Variants in TBC1D5 observed in about 807,000 individuals in gnomAD.
TBC1D5 encodes TBC1 domain family member 5, also known as TBC1 domain family, member 5.
TBC1D5 carries 75 observed loss-of-function variants against 100.3 expected under a neutral mutation model. That is an observed-to-expected ratio of 0.75 (90% CI 0.62 to 0.91). TBC1D5 has a LOEUF of 0.91. Ranked by LOEUF, TBC1D5 falls within the 40% of genes least tolerant of loss-of-function variation. TBC1D5 has a pLI of 0.00. For synonymous variants in TBC1D5, 323 were observed against 325.6 expected, an observed-to-expected ratio of 0.99 and a Z score of 0.09; for missense variants, 910 against 942.4, an observed-to-expected ratio of 0.97 and a Z score of 0.45.
chr3:17,252,883 T>A (rs193014664), intron 16 of TBC1D5, among the ~76,000 whole-genome samples: 37 of 152,350 alleles, frequency 2.4e-4, no homozygotes, highest in African/African-American at 8.9e-4. Context: ...GTGAAATGAA[T>A]GAATACTTGT....
At chr3:17,289,264 C>T (rs2081474751) in intron 15 of TBC1D5, among the ~76,000 whole-genome samples, 1 of 152,164 alleles carries the variant, frequency 6.6e-6, no homozygotes, top group African/African-American at 2.4e-5. Flanking sequence ...GCCACAGGAT[C>T]CGGGCTGGTG....
chr3:17,704,373 T>C (rs2073670438), intron 1 of TBC1D5, among the ~76,000 whole-genome samples: 1 of 151,988 alleles, frequency 6.6e-6, no homozygotes. Flanking sequence ...TCCCCACCCT[T>C]CCCGCCTTTC....
intron 18 of TBC1D5, among the ~76,000 whole-genome samples, chr3:17,195,462 C>G (rs2070533817): frequency 6.6e-6 from 1 of 152,358 alleles, no homozygotes; most frequent in South Asian, 2.1e-4. Context: ...CTCTCCCTTG[C>G]TGTTCCTGGC....
At chr3:17,174,396 C>T (rs865942062) in intron 19 of TBC1D5, among the ~76,000 whole-genome samples, 6 of 152,182 alleles carry the variant, frequency 3.9e-5, no homozygotes, top group Middle Eastern at 3.2e-3. Context: ...TTTCTGAAAT[C>T]ACTAGTACTC....
intron 2 of TBC1D5, among the ~76,000 whole-genome samples, chr3:17,603,720 C>T (rs1265051739): frequency 6.6e-6 from 1 of 152,044 alleles, no homozygotes; most frequent in African/African-American, 2.4e-5. Context: ...GGCTGGAGTG[C>T]AGTGGCGCAA....
intron 13 of TBC1D5, among the ~76,000 whole-genome samples, chr3:17,336,202 T>C (rs968587074): frequency 3.9e-5 from 6 of 152,094 alleles, no homozygotes; most frequent in Middle Eastern, 3.2e-3. Context: ...GATGCAAGCC[T>C]ACAGCATGTG....
chr3:17,659,946 A>C lies in TBC1D5; in HGVS notation c.-100-36033T>G, dbSNP rs192975512. On this transcript the variant is annotated intron_variant, in intron 1 of 21. Transcript: ENST00000253692. ...ACACATGGCAAGACAAACCACTGAG[A>C]ATTTGGGCCCACAGAATTATACTGC... Among the ~76,000 whole-genome samples, 159 of 152,280 alleles carry C rather than the reference A, an allele frequency of 1.0e-3. 2 individuals carry two copies. In the South Asian group the frequency reaches 0.019, roughly 18 times the overall value.
At chr3:17,557,150 T>C (rs1387226590) in intron 2 of TBC1D5, among the ~76,000 whole-genome samples, 1 of 152,238 alleles carries the variant, frequency 6.6e-6, no homozygotes, top group Non-Finnish European at 1.5e-5. Flanking sequence ...TGACTATTTG[T>C]TGGTAAATAG....
At chr3:17,495,078 C>T (rs902757859) in intron 3 of TBC1D5, among the ~76,000 whole-genome samples, 1 of 152,220 alleles carries the variant, frequency 6.6e-6, no homozygotes, top group African/African-American at 2.4e-5. Flanking sequence ...CCTCACTCTC[C>T]GTGGGTCATG....
At chr3:17,708,106 T>C (rs533350330) in intron 1 of TBC1D5, among the ~76,000 whole-genome samples, 1 of 152,328 alleles carries the variant, frequency 6.6e-6, no homozygotes, top group African/African-American at 2.4e-5. Flanking sequence ...ACCTCCTTAC[T>C]AGCAACCACT....
intron 2 of TBC1D5, among the ~76,000 whole-genome samples, chr3:17,554,131 C>T (rs891220374): frequency 1.3e-5 from 2 of 152,146 alleles, no homozygotes; most frequent in Non-Finnish European, 2.9e-5. Flanking sequence ...AGCACCATAA[C>T]ATATTTGGTG....
intron 16 of TBC1D5, among the ~76,000 whole-genome samples, chr3:17,248,584 T>C (rs933326373): frequency 6.6e-6 from 1 of 152,196 alleles, no homozygotes; most frequent in African/African-American, 2.4e-5. Flanking sequence ...GCAGAACAGA[T>C]ATTGTATTAG....
intron 21 of TBC1D5, among the ~76,000 whole-genome samples, chr3:17,162,146 G>GT: frequency 6.6e-6 from 1 of 152,336 alleles, no homozygotes; most frequent in South Asian, 2.1e-4. Context: ...CAGTGGTGCT[G>GT]TAAGGTGATG....
At chr3:17,358,694 T>C (rs1372336262) in intron 13 of TBC1D5, among the ~76,000 whole-genome samples, 1 of 152,196 alleles carries the variant, frequency 6.6e-6, no homozygotes, top group Non-Finnish European at 1.5e-5. Context: ...GATTACAAAT[T>C]CTAAATTAAA....
chr3:17,160,892 T>G, exon 22 of TBC1D5: 2 of 1,528,572 alleles, frequency 1.3e-6, no homozygotes, highest in Non-Finnish European at 1.8e-6. Context: ...CTCCACTGGA[T>G]GAGCCTCAGT....
At chr3:17,463,522 C>T (rs940258832) in intron 3 of TBC1D5, among the ~76,000 whole-genome samples, 3 of 152,114 alleles carry the variant, frequency 2.0e-5, no homozygotes, top group Non-Finnish European at 4.4e-5. Context: ...AAATCTGGTG[C>T]TTAACCTTGG....
chr3:17,652,190 A>T (rs2065643800), intron 1 of TBC1D5, among the ~76,000 whole-genome samples: 1 of 152,216 alleles, frequency 6.6e-6, no homozygotes, highest in Admixed American at 6.5e-5. Context: ...GACCTGATCT[A>T]GTCCTAAGTA....
chr3:17,404,645 T>C lies in TBC1D5; in HGVS notation c.441+49A>G, dbSNP rs759004626. 9 of 1,512,022 alleles carry C rather than the reference T, an allele frequency of 6.0e-6. No individual in the cohort carries two copies. In the African/African-American group the frequency reaches 1.3e-4, roughly 21 times the overall value. The allele number at this position is 1,512,022 out of a possible 1,614,324, so 93.7% of individuals were successfully genotyped here. On this transcript the variant is annotated intron_variant, in intron 7 of 21. Coordinates refer to ENST00000253692, the Ensembl canonical transcript of TBC1D5. Reference sequence around the variant, plus strand: ...TGACTGGCAACCAGTCATATAAACATATTCTTAGCAGCAAAAGAGGTTAAG... The same window carrying C: ...TGACTGGCAACCAGTCATATAAACACATTCTTAGCAGCAAAAGAGGTTAAG...
chr3:17,251,181 C>T (rs775712364), intron 16 of TBC1D5, among the ~76,000 whole-genome samples: 4 of 151,914 alleles, frequency 2.6e-5, no homozygotes, highest in Non-Finnish European at 5.9e-5. Context: ...GCGATTTGTT[C>T]ATCATGGTCC....
Sources: gnomAD v4.1 joint callset for allele counts (sites outside exome capture counted in the v4.1 genomes callset) on GRCh38, gnomAD v4.1.1 for gene constraint, MANE v1.5 for transcripts, NCBI Gene and HGNC (gene_info 2026-07-23, HGNC 2026-07-21) for gene names.